Variants in DDX3X observed in about 807,000 individuals in gnomAD.
The protein encoded by DDX3X is ATP-dependent RNA helicase DDX3X.
Under a neutral mutation model 52.7 loss-of-function variants are expected in DDX3X, and 4 were observed. The observed-to-expected ratio is 0.08, with a 90% CI of 0.04 to 0.17. The LOEUF is 0.17. Among genes scored for constraint, DDX3X ranks in the 10% least tolerant of loss-of-function variants. The pLI, the probability that DDX3X is intolerant of heterozygous loss-of-function variation, is 1.00. For missense variants in DDX3X, 222 were observed against 548.6 expected, an observed-to-expected ratio of 0.40 and a Z score of 5.95; for synonymous variants, 192 against 178.1, an observed-to-expected ratio of 1.08 and a Z score of -0.62.
chrX:41,334,651 C>G (rs770760348), intron 1 of DDX3X: 1 of 1,056,978 alleles, frequency 9.5e-7, no homozygotes, highest in African/African-American at 1.9e-5. Context: ...CGCAGCGCGG[C>G]GGGACGCGAC....
downstream of DDX3X, among the ~76,000 whole-genome samples, chrX:41,353,812 A>G (rs1436902805): frequency 9.2e-6 from 1 of 108,961 alleles, no homozygotes; most frequent in Non-Finnish European, 1.9e-5. Flanking sequence ...GCATACACAC[A>G]CACACACACA....
intron 1 of DDX3X, 122 bp downstream of exon 1, chrX:41,334,419 CG>C: frequency 8.9e-7 from 1 of 1,129,167 alleles, no homozygotes; most frequent in Non-Finnish European, 1.2e-6. Flanking sequence ...CCCGGGCTGG[CG>C]GGTGTGAGTG....
intron 16 of DDX3X, 74 bp from the exon 17 acceptor site, chrX:41,347,566 T>C (rs2063943447): frequency 5.3e-6 from 6 of 1,125,426 alleles, no homozygotes. Flanking sequence ...TGATGGCAAA[T>C]TACGTAAGGG....
intron 1 of DDX3X, chrX:41,334,856 T>A: frequency 1.5e-6 from 1 of 671,899 alleles, no homozygotes; most frequent in Non-Finnish European, 1.9e-6. Flanking sequence ...TGGGCGGCGC[T>A]GTGGCTCACC....
Position 41,342,827 on chromosome X carries a change from T to C in DDX3X, c.534T>C (p.His178=), listed in dbSNP as rs1298101691. The C allele has an allele frequency of 1.7e-6, 2 of 1,199,150 alleles. No homozygotes were observed. Among genetic ancestry groups the C allele is most frequent in the East Asian group, 3.0e-5 (1 of 33,723 alleles). Residue 178 remains histidine, a synonymous_variant, in exon 6 of 17, where the codon CAT becomes CAC. Transcript: ENST00000644876. ...CAACAGGCAACAACTGTCCTCCACA[T>C]ATTGAAAGTGTGAGTATTTTTGCTT... ...VEATGNNCPP[H]IESFSDVEMG...
At chrX:41,338,687 C>T (rs1343009611) in intron 2 of DDX3X, 1 of 112,646 alleles carries the variant, frequency 8.9e-6, no homozygotes, top group East Asian at 2.7e-4. Flanking sequence ...TACAGTAATA[C>T]TTAATGCTTT....
Position 41,344,337 on chromosome X carries a change from A to G in DDX3X, c.963A>G (p.Val321=), listed in dbSNP as rs1312992007. The part of the protein sequence containing the change: ...RDLERGCHLL[V]ATPGRLVDMM... ...TGGAACGTGGATGCCATTTGTTAGT[A>G]GCCACTCCAGGACGTCTAGTGGATA... The change falls in exon 10 of 17, where the codon GTA becomes GTG. Residue 321 remains valine (V), a synonymous_variant. Transcript: ENST00000644876. 3 of 1,211,851 alleles carry G rather than the reference A, an allele frequency of 2.5e-6. No homozygotes were observed. Among genetic ancestry groups the G allele is most frequent in the East Asian group, 3.0e-5 (1 of 33,886 alleles).
downstream of DDX3X, chrX:41,351,002 A>G (rs1388718231): frequency 8.9e-6 from 1 of 112,192 alleles, no homozygotes; most frequent in Middle Eastern, 4.2e-3. Flanking sequence ...ACTCAAAATA[A>G]GCATAAGTTT....
Position 41,349,072 on chromosome X carries a change from T to A in DDX3X, c.*1353T>A, listed in dbSNP as rs1445631205. The A allele has an allele frequency of 8.9e-6, 1 of 112,405 alleles. No individual in the cohort carries two copies. The highest frequency in any genetic ancestry group is 1.9e-5 in the Non-Finnish European group (1 of 53,288). 9.3% of individuals were successfully genotyped at this position (112,405 alleles called of 1,213,427 possible). On this transcript the variant is annotated 3_prime_UTR_variant, in exon 17 of 17. Transcript: ENST00000644876. ...TTCTGTGCTAATTTTGTGGCCAGAA[T>A]GCGGTGATCAAAACGCTCCATCTTT...
intron 4 of DDX3X, chrX:41,342,153 T>G (rs1009141350): frequency 1.6e-5 from 3 of 184,336 alleles, no homozygotes; most frequent in African/African-American, 9.1e-5. Flanking sequence ...TGTGCTATTT[T>G]CTTGTTTTCC....
chrX:41,344,268 C>T lies in DDX3X; in HGVS notation c.894C>T (p.Cys298=), dbSNP rs374274692. ...CATACCGATCTAGAGTTCGTCCTTG[C>T]GTGGTTTATGGTGGTGCCGATATTG... The part of the protein sequence containing the change: ...KFSYRSRVRP[C]VVYGGADIGQ... The change falls in exon 10 of 17, where the codon TGC becomes TGT. Residue 298 remains cysteine (C), a synonymous_variant. Coordinates refer to ENST00000644876, the MANE Select transcript of DDX3X (RefSeq NM_001356.5). 21 of 1,209,552 alleles carry T rather than the reference C, an allele frequency of 1.7e-5. No homozygotes were observed. Among genetic ancestry groups the T allele is most frequent in the East Asian group, 1.2e-4 (4 of 33,803 alleles).
downstream of DDX3X, among the ~76,000 whole-genome samples, chrX:41,354,092 G>A (rs186863887): frequency 1.4e-4 from 16 of 111,122 alleles, no homozygotes; most frequent in East Asian, 3.7e-3. Context: ...AGATTCACAG[G>A]AAGTTGCAAA....
downstream of DDX3X, chrX:41,351,536 G>A (rs1204054499): frequency 3.6e-5 from 4 of 111,169 alleles, no homozygotes; most frequent in East Asian, 1.1e-3. Context: ...TTGTTGATAG[G>A]GCCTCACTAC....
chrX:41,357,423 A>G (rs190827468), intron 5 of DDX3X, among the ~76,000 whole-genome samples: 9 of 111,348 alleles, frequency 8.1e-5, no homozygotes, highest in Non-Finnish European at 1.9e-5. Flanking sequence ...TGCTAAACCT[A>G]TAGATCAGTT....
chrX:41,355,741 C>T (rs2064006303), intron 5 of DDX3X, among the ~76,000 whole-genome samples: 1 of 106,588 alleles, frequency 9.4e-6, no homozygotes, highest in Non-Finnish European at 1.9e-5. Context: ...GCCCAGCACT[C>T]TCAAAGTGCT....
At chrX:41,333,683 G>A (rs760844928), upstream of DDX3X, 1 of 109,682 alleles carries the variant, frequency 9.1e-6, no homozygotes, top group African/African-American at 3.4e-5. Flanking sequence ...GGAACTGAGA[G>A]AGGAAGAAGA....
In DDX3X at chrX:41,334,661, C is replaced by T. The variant is rs765816805; in HGVS notation, c.45+364C>T. The T allele has an allele frequency of 5.8e-5, 61 of 1,046,887 alleles. No homozygotes were observed. The East Asian group carries it at 2.0e-3, about 35-fold the overall frequency. 86.3% of individuals were successfully genotyped at this position (1,046,887 alleles called of 1,213,427 possible). ...GAGTGCGCAGCGCGGCGGGACGCGA[C>T]TGGAGGCCCTTTTGGCTTGGAGGGC... On this transcript the variant is annotated intron_variant, in intron 1 of 16. Coordinates refer to ENST00000644876, the MANE Select transcript of DDX3X (RefSeq NM_001356.5).
intron 1 of DDX3X, 134 bp downstream of exon 1, chrX:41,334,431 C>T: frequency 8.9e-7 from 1 of 1,127,872 alleles, no homozygotes; most frequent in Non-Finnish European, 1.2e-6. Flanking sequence ...GGTGTGAGTG[C>T]CCCGGGGCTA....
intron 5 of DDX3X, among the ~76,000 whole-genome samples, chrX:41,357,499 A>AG (rs1420095165): frequency 1.8e-5 from 2 of 111,195 alleles, no homozygotes; most frequent in Non-Finnish European, 3.8e-5. Flanking sequence ...TTTTTGAGAC[A>AG]GGGTCCAGTC....
Sources: gnomAD v4.1 joint callset for allele counts (sites outside exome capture counted in the v4.1 genomes callset) on GRCh38, gnomAD v4.1.1 for gene constraint, MANE v1.5 for transcripts, NCBI Gene and HGNC (gene_info 2026-07-23, HGNC 2026-07-21) for gene names.